The following MCTP1 variants were observed in gnomAD, a reference collection of about 807,000 sequenced individuals.
MCTP1 encodes multiple C2 and transmembrane domain-containing protein 1.
Under a neutral mutation model 120.6 loss-of-function variants are expected in MCTP1, and 69 were observed. The observed-to-expected ratio is 0.57, with a 90% confidence interval of 0.47 to 0.70. The LOEUF is 0.70. Among genes scored for constraint, MCTP1 ranks in the 30% least tolerant of loss-of-function variants. The probability of loss-of-function intolerance (pLI) is 0.00; values close to 1 mark genes in which losing one functional copy is unlikely to be tolerated. For missense variants in MCTP1, 1,203 were observed against 1,248.8 expected (o/e 0.96, Z 0.55); for synonymous variants, 529 against 493.1 (o/e 1.07, Z -0.96).
chr5:94,863,405 C>T (rs1223420852), intron 17 of MCTP1, among the ~76,000 whole-genome samples: 3 of 151,794 alleles, frequency 2.0e-5, no homozygotes, highest in East Asian at 1.9e-4. Context: ...AGACTTGAAG[C>T]GTAATTTCAT....
chr5:95,125,858 A>G (rs1474167016), intron 1 of MCTP1, among the ~76,000 whole-genome samples: 2 of 152,240 alleles, frequency 1.3e-5, no homozygotes, highest in Non-Finnish European at 2.9e-5. Context: ...CTCATTTTTC[A>G]TTGACCTAAT....
chr5:94,933,826 T>C (rs774271987), intron 5 of MCTP1, among the ~76,000 whole-genome samples: 21 of 151,936 alleles, frequency 1.4e-4, no homozygotes, highest in Non-Finnish European at 2.7e-4. Context: ...TAACCTTCTA[T>C]AGTAAACAAA....
intron 2 of MCTP1, among the ~76,000 whole-genome samples, chr5:94,993,529 T>C (rs1337717457): frequency 6.6e-6 from 1 of 152,212 alleles, no homozygotes; most frequent in East Asian, 1.9e-4. Flanking sequence ...CAAGAGATGA[T>C]TTGTTTATAT....
rs1338962070 is a variant in MCTP1, at chr5:95,284,166, G to C, written c.410C>G (p.Ala137Gly). 3 of 1,571,096 alleles carry C rather than the reference G, an allele frequency of 1.9e-6. No homozygotes were observed. The highest frequency in any genetic ancestry group is 2.6e-6 in the Non-Finnish European group (3 of 1,159,160). ...CCCTCCCGCTGCTCCCGAGGCCGCC[G>C]CGGGCCCCTTTACGGCGGGGAGCAA... ...EHLLPAVKGPAAASGAAGGTP... is the reference protein window; with the variant it reads ...EHLLPAVKGPGAASGAAGGTP... The change falls in exon 1 of 23, where the codon GCG becomes GGG. Residue 137 changes from alanine to glycine, a missense_variant. By Grantham distance (60) the Ala-to-Gly change is moderately conservative (BLOSUM62 0). Around this residue, in one of 2 missense-constraint regions of MCTP1, gnomAD observed 463 missense variants for 377.8 expected, o/e 1.23. Coordinates refer to ENST00000515393, the MANE Select transcript of MCTP1 (RefSeq NM_024717.7). The surrounding 1 kb of genome is among the most constrained non-coding windows in gnomAD (Gnocchi z 5.2).
At chr5:94,938,928 G>T (rs2153499059) in intron 5 of MCTP1, among the ~76,000 whole-genome samples, 1 of 152,164 alleles carries the variant, frequency 6.6e-6, no homozygotes, top group Middle Eastern at 3.4e-3. Context: ...GCACAAGGGT[G>T]CATGTGCACA....
intron 12 of MCTP1, among the ~76,000 whole-genome samples, chr5:94,887,254 C>T (rs1214755174): frequency 1.3e-5 from 2 of 152,108 alleles, no homozygotes; most frequent in Non-Finnish European, 2.9e-5. Flanking sequence ...AGGGAAAAGG[C>T]TATTGTTATT....
chr5:94,905,601 G>A (rs746001362), intron 10 of MCTP1, among the ~76,000 whole-genome samples: 6 of 152,208 alleles, frequency 3.9e-5, no homozygotes, highest in Non-Finnish European at 8.8e-5. Context: ...TTTGATGAGA[G>A]TGAGAGAAAG....
chr5:95,249,982 G>A (rs564328678), intron 1 of MCTP1, among the ~76,000 whole-genome samples: 2 of 152,200 alleles, frequency 1.3e-5, no homozygotes, highest in Admixed American at 6.5e-5. Flanking sequence ...ACAGGGCGGG[G>A]AACATCACAC....
intron 1 of MCTP1, among the ~76,000 whole-genome samples, chr5:95,219,899 A>T (rs1753495691): frequency 1.3e-5 from 2 of 152,256 alleles, no homozygotes; most frequent in African/African-American, 4.8e-5. Flanking sequence ...TGATAAATTT[A>T]AAAGCCAAAA....
In MCTP1 at chr5:95,205,482, C is replaced by T. The variant is rs559012405; in HGVS notation, c.720+78374G>A. On this transcript the variant is annotated intron_variant, in intron 1 of 22. Coordinates refer to ENST00000515393, the MANE Select transcript of MCTP1 (RefSeq NM_024717.7). ...AGCACAGCAAGAAAAGAAAAAATAA[C>T]GGTACTTCATCAAAATTAATGTGAA... Among the ~76,000 whole-genome samples, 158 of 152,174 alleles carry T rather than the reference C, an allele frequency of 1.0e-3. 2 individuals are homozygous for T. Among genetic ancestry groups the T allele is most frequent in the East Asian group, 7.7e-4 (4 of 5,182 alleles).
At chr5:94,751,096 G>A (rs1301824322) in intron 19 of MCTP1, among the ~76,000 whole-genome samples, 1 of 152,074 alleles carries the variant, frequency 6.6e-6, no homozygotes, top group Non-Finnish European at 1.5e-5. Context: ...GCAAGGTGGA[G>A]GTTTTAACTA....
At chr5:94,847,400 T>A (rs759132137) in intron 17 of MCTP1, among the ~76,000 whole-genome samples, 1 of 152,160 alleles carries the variant, frequency 6.6e-6, no homozygotes, top group Admixed American at 6.6e-5. Context: ...TCTTTTTCTA[T>A]ACTTCTGTTT....
chr5:94,874,001 T>C (rs1798309148), intron 12 of MCTP1, among the ~76,000 whole-genome samples: 1 of 152,054 alleles, frequency 6.6e-6, no homozygotes, highest in Non-Finnish European at 1.5e-5. Flanking sequence ...TCCTTAATAT[T>C]TTTGTAATGT....
At chr5:95,229,782 A>T (rs1210261612) in intron 1 of MCTP1, among the ~76,000 whole-genome samples, 1 of 151,992 alleles carries the variant, frequency 6.6e-6, no homozygotes, top group East Asian at 1.9e-4. Context: ...GAGGGAGATG[A>T]CCACTGATGC....
intron 1 of MCTP1, among the ~76,000 whole-genome samples, chr5:95,156,435 T>C (rs146465243): frequency 1.2e-3 from 184 of 152,338 alleles, no homozygotes; most frequent in African/African-American, 4.1e-3. Context: ...GTTTTAATTC[T>C]ACTGAATATG....
intron 20 of MCTP1, among the ~76,000 whole-genome samples, chr5:94,712,462 G>A (rs967148464): frequency 7.3e-5 from 11 of 151,720 alleles, no homozygotes; most frequent in East Asian, 5.8e-4. Context: ...AAGGATGATT[G>A]CTAAAGAGAT....
intron 17 of MCTP1, among the ~76,000 whole-genome samples, chr5:94,830,727 G>A (rs1335816409): frequency 1.3e-5 from 2 of 152,178 alleles, no homozygotes; most frequent in African/African-American, 4.8e-5. Flanking sequence ...CCACATGGGG[G>A]TGCTACCTCA....
At chr5:95,130,446 T>C (rs554973817) in intron 1 of MCTP1, among the ~76,000 whole-genome samples, 3 of 152,198 alleles carry the variant, frequency 2.0e-5, no homozygotes, top group African/African-American at 4.8e-5. Flanking sequence ...TATGCTAGGG[T>C]AAAGTTTTAA....
intron 10 of MCTP1, 100 bp downstream of exon 10, chr5:94,909,151 T>C (rs1389885832): frequency 1.4e-6 from 2 of 1,390,544 alleles, no homozygotes; most frequent in Non-Finnish European, 2.0e-6. Context: ...GTCCCTTTCT[T>C]CAAAACAGTA....
Sources: allele counts gnomAD v4.1 joint callset (sites outside exome capture counted in the v4.1 genomes callset), GRCh38; gene constraint gnomAD v4.1.1; regional missense constraint gnomAD v4.1.1; non-coding constraint Gnocchi (gnomAD v3.1); transcripts MANE v1.5; gene names NCBI Gene and HGNC (gene_info 2026-07-23, HGNC 2026-07-21).